DCC: variants seen among roughly 807,000 people sequenced by gnomAD.
DCC encodes the protein DCC netrin 1 receptor.
In DCC, 58 loss-of-function variants were observed where a neutral mutation model predicts 172.5. That is an observed-to-expected ratio of 0.34 (90% CI 0.27 to 0.42). The LOEUF (loss-of-function observed/expected upper bound fraction) is 0.42. DCC is among the 10% of genes least tolerant of loss of function. The pLI is 1.00. For missense variants in DCC, 1,740 were observed against 1,791.0 expected (o/e 0.97, Z 0.51); for synonymous variants, 709 against 644.5 (o/e 1.10, Z -1.52).
intron 1 of DCC, among the ~76,000 whole-genome samples, chr18:52,388,197 T>A (rs1265405480): frequency 1.3e-5 from 2 of 152,020 alleles, no homozygotes; most frequent in African/African-American, 4.8e-5. Context: ...GTTCAACTTC[T>A]CTATTTTTTT....
Position 52,373,581 on chromosome 18 carries a change from G to A in DCC, c.91+32703G>A, listed in dbSNP as rs1985215962. On this transcript the variant is annotated intron_variant, in intron 1 of 28. Transcript: ENST00000442544. ...CACAAGGCTCTCCCTGTACATTGTG[G>A]GGGTGGGTGGGCATTCTCTTTTGAC... 2.0e-5 allele frequency among the ~76,000 whole-genome samples: 3 copies of A among 152,116 alleles called. No homozygotes were observed. The South Asian group carries it at 6.2e-4, about 32-fold the overall frequency.
intron 5 of DCC, among the ~76,000 whole-genome samples, chr18:53,061,306 C>T (rs888041317): frequency 1.3e-5 from 2 of 151,962 alleles, no homozygotes; most frequent in African/African-American, 4.8e-5. Context: ...CCTCTATATT[C>T]CTAATCCTTT....
chr18:52,737,363 A>G (rs1340819046), intron 1 of DCC, among the ~76,000 whole-genome samples: 2 of 152,164 alleles, frequency 1.3e-5, no homozygotes, highest in African/African-American at 2.4e-5. Flanking sequence ...AGCCAATGAA[A>G]AAAACTCTAC....
At chr18:53,441,048 T>G (rs976174274) in intron 22 of DCC, among the ~76,000 whole-genome samples, 1 of 152,194 alleles carries the variant, frequency 6.6e-6, no homozygotes, top group Non-Finnish European at 1.5e-5. Flanking sequence ...GCCAGTAATA[T>G]CTCCTCTCCT....
chr18:53,039,576 T>C (rs7505888), intron 5 of DCC, among the ~76,000 whole-genome samples: 104,035 of 151,880 alleles, frequency 0.68, 37,519 homozygotes, highest in African/African-American at 0.9. Context: ...TCCAAGCCCA[T>C]GCTGTGGCAG....
intron 1 of DCC, among the ~76,000 whole-genome samples, chr18:52,652,527 T>G (rs1325148212): frequency 6.6e-6 from 1 of 152,172 alleles, no homozygotes; most frequent in Non-Finnish European, 1.5e-5. Flanking sequence ...AGCATGACTC[T>G]AATAACATGG....
At position 52,613,002 on chromosome 18, in the gene DCC, CATTTTGAGTG is replaced by C. The variant is rs1485249550; in HGVS notation, c.92-139049_92-139040del. ...TACAAATAAGTCTATATCTGTCAGG[CATTTTGAGTG>C]ATAAGAAGCTGTTCTTCCTTCTCTA... On this transcript the variant is annotated intron_variant, in intron 1 of 28. Coordinates refer to ENST00000442544, the MANE Select transcript of DCC (RefSeq NM_005215.4). 2.0e-5 allele frequency among the ~76,000 whole-genome samples: 3 copies of C among 152,268 alleles called. No homozygotes were observed. The East Asian group carries it at 5.8e-4, about 29-fold the overall frequency.
chr18:53,486,995 G>A (rs778477179), intron 26 of DCC, 37 bp downstream of exon 26: 4 of 1,612,972 alleles, frequency 2.5e-6, no homozygotes, highest in Admixed American at 3.3e-5. Context: ...AAGCACAAAT[G>A]AATAATAGCA....
chr18:52,931,974 A>G (rs2040313933), intron 5 of DCC: 1 of 152,116 alleles, frequency 6.6e-6, no homozygotes, highest in African/African-American at 2.4e-5. Context: ...AAAATGTTAT[A>G]TGTAAACAGG....
chr18:53,335,052 C>T (rs564807524), intron 14 of DCC, among the ~76,000 whole-genome samples: 19 of 152,348 alleles, frequency 1.2e-4, no homozygotes, highest in African/African-American at 4.6e-4. Flanking sequence ...TACATTCCTA[C>T]TGGCTGACTC....
At chr18:53,179,728 G>C (rs1028117461) in intron 9 of DCC, among the ~76,000 whole-genome samples, 1 of 152,008 alleles carries the variant, frequency 6.6e-6, no homozygotes, top group African/African-American at 2.4e-5. Context: ...TTTCAACTTT[G>C]ATAAAGGAAG....
intron 7 of DCC, among the ~76,000 whole-genome samples, chr18:53,101,848 C>T (rs369810628): frequency 2.3e-5 from 3 of 128,578 alleles, no homozygotes; most frequent in African/African-American, 2.9e-5. Context: ...TGTGCGTGTG[C>T]GTGTGAGTGT....
intron 2 of DCC, among the ~76,000 whole-genome samples, chr18:52,801,653 G>A (rs1174423830): frequency 1.3e-5 from 2 of 152,174 alleles, no homozygotes; most frequent in Non-Finnish European, 2.9e-5. Context: ...GAATCTTACA[G>A]AAGGGAAAGA....
At chr18:52,971,139 A>G (rs2041023646) in intron 5 of DCC, among the ~76,000 whole-genome samples, 1 of 152,166 alleles carries the variant, frequency 6.6e-6, no homozygotes, top group African/African-American at 2.4e-5. Flanking sequence ...GGCAGAAAAA[A>G]AACACAGCTT....
intron 5 of DCC, among the ~76,000 whole-genome samples, chr18:53,035,031 G>C (rs576208109): frequency 6.6e-6 from 1 of 151,964 alleles, no homozygotes; most frequent in Admixed American, 6.6e-5. Flanking sequence ...ATCACTTACT[G>C]TTTTAAAAAT....
chr18:52,515,876 T>C (rs1335616985), intron 1 of DCC, among the ~76,000 whole-genome samples: 3 of 135,606 alleles, frequency 2.2e-5, no homozygotes, highest in Non-Finnish European at 4.7e-5. Flanking sequence ...ATGTAGATTA[T>C]ATAAGGAATT....
intron 15 of DCC, among the ~76,000 whole-genome samples, chr18:53,340,294 C>A (rs1164609203): frequency 1.3e-5 from 2 of 152,096 alleles, no homozygotes; most frequent in Non-Finnish European, 2.9e-5. Flanking sequence ...CATTTTTCAT[C>A]TTTGTTGTTG....
At chr18:52,575,446 G>A (rs2033386201) in intron 1 of DCC, among the ~76,000 whole-genome samples, 1 of 152,052 alleles carries the variant, frequency 6.6e-6, no homozygotes, top group South Asian at 2.1e-4. Flanking sequence ...GGAAGGTTCT[G>A]GAAATAAAAT....
intron 21 of DCC, among the ~76,000 whole-genome samples, chr18:53,426,442 A>ATT (rs377270416): frequency 0.43 from 61,292 of 143,626 alleles, 14,802 homozygotes; most frequent in Non-Finnish European, 0.55. Context: ...TATATTATTT[A>ATT]TATATTTATG....
Sources: gnomAD v4.1 joint callset for allele counts (sites outside exome capture counted in the v4.1 genomes callset) on GRCh38, gnomAD v4.1.1 for gene constraint, MANE v1.5 for transcripts, NCBI Gene and HGNC (gene_info 2026-07-23, HGNC 2026-07-21) for gene names.